PACRG: variants seen among roughly 807,000 people sequenced by gnomAD.
PACRG encodes the protein parkin coregulated gene protein.
PACRG carries 29 observed loss-of-function variants against 29.7 expected under a neutral mutation model. The observed-to-expected ratio is 0.98, with a 90% CI of 0.73 to 1.33. PACRG has a LOEUF of 1.33. Among genes scored for constraint, PACRG ranks in the 40% most tolerant of loss-of-function variants. The probability of loss-of-function intolerance (pLI) is 0.00; values close to 1 mark genes in which losing one functional copy is unlikely to be tolerated. For missense variants in PACRG, 279 were observed against 316.2 expected, an observed-to-expected ratio of 0.88 and a Z score of 0.89; for synonymous variants, 116 against 118.7, an observed-to-expected ratio of 0.98 and a Z score of 0.15.
chr6:162,999,557 C>T (rs185859246), intron 2 of PACRG, among the ~76,000 whole-genome samples: 1 of 152,212 alleles, frequency 6.6e-6, no homozygotes, highest in Admixed American at 6.5e-5. Flanking sequence ...TAAACACACA[C>T]AAAAAATTCA....
intron 2 of PACRG, among the ~76,000 whole-genome samples, chr6:163,017,406 C>A (rs189878633): frequency 6.6e-6 from 1 of 152,114 alleles, no homozygotes; most frequent in Non-Finnish European, 1.5e-5. Flanking sequence ...CATAGGTCAT[C>A]GTGAAGTACC....
At chr6:163,200,445 G>A (rs1278505170) in intron 4 of PACRG, among the ~76,000 whole-genome samples, 1 of 152,072 alleles carries the variant, frequency 6.6e-6, no homozygotes, top group African/African-American at 2.4e-5. Context: ...TCGCGCAAAG[G>A]CAACAGTACT....
intron 1 of PACRG, among the ~76,000 whole-genome samples, chr6:162,794,516 GTCTA>G (rs1156673615): frequency 3.3e-5 from 5 of 151,980 alleles, no homozygotes; most frequent in African/African-American, 4.8e-5. Context: ...AGAAATCGTT[GTCTA>G]TCCCAAAATA....
upstream of PACRG, chr6:162,727,662 C>T: frequency 6.3e-7 from 1 of 1,584,694 alleles, no homozygotes; most frequent in Admixed American, 1.8e-5. Context: ...ACCCACGTAC[C>T]TATCATGGTC....
Position 162,770,904 on chromosome 6 carries a change from T to C in PACRG, c.156+42513T>C, listed in dbSNP as rs1196428547. 2.6e-5 allele frequency among the ~76,000 whole-genome samples: 4 copies of C among 152,202 alleles called. No homozygotes were observed. In the East Asian group the frequency reaches 7.7e-4, roughly 29 times the overall value. On this transcript the variant is annotated intron_variant, in intron 1 of 4. Coordinates refer to ENST00000366888, the MANE Select transcript of PACRG (RefSeq NM_001080379.2). ...TTTATATTGATTAGGTTTGATAGGCTTAAGTTTATAAATTTAGGTATTTTT... is the reference window on the plus strand; with the variant it reads ...TTTATATTGATTAGGTTTGATAGGCCTAAGTTTATAAATTTAGGTATTTTT...
chr6:162,949,697 G>A (rs1320110600), intron 2 of PACRG, among the ~76,000 whole-genome samples: 1 of 152,272 alleles, frequency 6.6e-6, no homozygotes, highest in East Asian at 1.9e-4. Context: ...ACTTTTGAGT[G>A]AAAAATAGAG....
chr6:163,251,266 T>C (rs1782892792), intron 4 of PACRG, among the ~76,000 whole-genome samples: 1 of 151,926 alleles, frequency 6.6e-6, no homozygotes, highest in Admixed American at 6.6e-5. Flanking sequence ...AAAAATAAAA[T>C]ATTAATAATA....
At chr6:162,779,525 C>G (rs1022847906) in intron 1 of PACRG, among the ~76,000 whole-genome samples, 1 of 152,122 alleles carries the variant, frequency 6.6e-6, no homozygotes, top group Non-Finnish European at 1.5e-5. Context: ...GCTCTTTACT[C>G]CTCTGAGGCT....
In PACRG at chr6:162,851,915, G is replaced by C. The variant is rs147563051; in HGVS notation, c.291+37634G>C. 2.0e-3 allele frequency among the ~76,000 whole-genome samples: 255 copies of C among 130,248 alleles called. 5 individuals carry two copies. In the East Asian group the frequency reaches 0.054, roughly 28 times the overall value. 85.4% of individuals were successfully genotyped at this position (130,248 alleles called of 152,430 possible). On this transcript the variant is annotated intron_variant, in intron 2 of 4. Transcript: ENST00000366888. Reference sequence around the variant, plus strand: ...TGAAAAGTATAGAAGGAAAAAGAAAGAAAAGAGAAAAGAAAAGAAAGGAAG... The same window carrying C: ...TGAAAAGTATAGAAGGAAAAAGAAACAAAAGAGAAAAGAAAAGAAAGGAAG...
At position 163,249,891 on chromosome 6, in the gene PACRG, G is replaced by T. The variant is rs570142576; in HGVS notation, c.614-64936G>T. Reference sequence around the variant, plus strand: ...ATGGATGCTCCTTTGTTCTCAAAAGGGAAGTGACGCCAGCTGGCCAGTCTG... The same window carrying T: ...ATGGATGCTCCTTTGTTCTCAAAAGTGAAGTGACGCCAGCTGGCCAGTCTG... On this transcript the variant is annotated intron_variant, in intron 4 of 4. Coordinates refer to ENST00000366888, the MANE Select transcript of PACRG (RefSeq NM_001080379.2). Among the ~76,000 whole-genome samples, 10 of 152,284 alleles carry T rather than the reference G, an allele frequency of 6.6e-5. No individual in the cohort carries two copies. The South Asian group carries it at 2.1e-3, about 32-fold the overall frequency.
chr6:162,989,479 A>T (rs1249783150), intron 2 of PACRG, among the ~76,000 whole-genome samples: 1 of 152,164 alleles, frequency 6.6e-6, no homozygotes, highest in African/African-American at 2.4e-5. Context: ...TTTGCATATA[A>T]CCTACACACA....
intron 4 of PACRG, among the ~76,000 whole-genome samples, chr6:163,223,675 A>T (rs977536283): frequency 6.6e-6 from 1 of 152,208 alleles, no homozygotes; most frequent in African/African-American, 2.4e-5. Context: ...AGGAAAGAGA[A>T]AGTGGTCAGA....
chr6:163,093,900 A>T (rs1334394773), intron 4 of PACRG, among the ~76,000 whole-genome samples: 1 of 152,226 alleles, frequency 6.6e-6, no homozygotes, highest in African/African-American at 2.4e-5. Context: ...GGATGCCTGA[A>T]GTTTGCAAAA....
intron 4 of PACRG, among the ~76,000 whole-genome samples, chr6:163,228,379 CAAAAAAAAAA>C (rs11362557): frequency 1.3e-3 from 92 of 68,172 alleles, no homozygotes; most frequent in Middle Eastern, 0.023. Flanking sequence ...TTTAAGCAGG[CAAAAAAAAAA>C]AAAAAAAAAA....
chr6:162,947,356 TATAATGTA>T lies in PACRG; in HGVS notation c.292-114791_292-114784del, dbSNP rs1562765714. On this transcript the variant is annotated intron_variant, in intron 2 of 4. Coordinates refer to ENST00000366888, the MANE Select transcript of PACRG (RefSeq NM_001080379.2). Reference sequence around the variant, plus strand: ...ATCATATATATAATGATTACATATATATAATGTAATCATATATAATCATATATATAATC... The same window carrying T: ...ATCATATATATAATGATTACATATATATCATATATAATCATATATATAATC... Among the ~76,000 whole-genome samples the T allele has an allele frequency of 3.0e-4, 27 of 91,386 alleles. 1 individual carries two copies. The highest frequency in any genetic ancestry group is 1.1e-3 in the African/African-American group (25 of 23,278). The allele number at this position is 91,386 out of a possible 152,430, so 60.0% of individuals were successfully genotyped here. A position where few individuals can be genotyped will look rare whatever the true frequency, so the allele number is the denominator to read the frequency against.
intron 4 of PACRG, among the ~76,000 whole-genome samples, chr6:163,218,272 T>C (rs1382572832): frequency 6.6e-6 from 1 of 152,240 alleles, no homozygotes; most frequent in African/African-American, 2.4e-5. Flanking sequence ...TGCAGTTATC[T>C]AACACAGATA....
Position 162,827,254 on chromosome 6 carries a change from G to A in PACRG, c.291+12973G>A, listed in dbSNP as rs1475520682. ...TATTTGGGAATCTCTAGCTTTTTCT[G>A]TTGGTGTGGGCTATAATTTCAACAC... On this transcript the variant is annotated intron_variant, in intron 2 of 4. Coordinates refer to ENST00000366888, the MANE Select transcript of PACRG (RefSeq NM_001080379.2). Among the ~76,000 whole-genome samples, 3 of 152,228 alleles carry A rather than the reference G, an allele frequency of 2.0e-5. No individual in the cohort carries two copies. In the East Asian group the frequency reaches 5.8e-4, roughly 29 times the overall value.
At chr6:162,733,090 C>T (rs1779898319) in intron 1 of PACRG, among the ~76,000 whole-genome samples, 1 of 152,190 alleles carries the variant, frequency 6.6e-6, no homozygotes, top group Non-Finnish European at 1.5e-5. Flanking sequence ...ATCTATTGAT[C>T]ACAGACTATG....
At chr6:163,259,402 G>A (rs1167228231) in intron 4 of PACRG, among the ~76,000 whole-genome samples, 2 of 152,014 alleles carry the variant, frequency 1.3e-5, no homozygotes, top group African/African-American at 4.8e-5. Context: ...TTAACATTCA[G>A]GCCAGTTAGT....
Sources: gnomAD v4.1 joint callset for allele counts (sites outside exome capture counted in the v4.1 genomes callset) on GRCh38, gnomAD v4.1.1 for gene constraint, MANE v1.5 for transcripts, NCBI Gene and HGNC (gene_info 2026-07-23, HGNC 2026-07-21) for gene names.